DRC7: variants seen among roughly 807,000 people sequenced by gnomAD.
The protein encoded by DRC7 is dynein regulatory complex subunit 7, also known as coiled-coil domain containing 135.
Under a neutral mutation model 104.4 loss-of-function variants are expected in DRC7, and 80 were observed. The observed-to-expected ratio is 0.77, with a 90% CI of 0.64 to 0.92. DRC7 has a LOEUF of 0.92. Ranked by LOEUF, DRC7 falls within the 40% of genes least tolerant of loss-of-function variation. The pLI is 0.00. For synonymous variants in DRC7, 405 were observed against 447.3 expected (o/e 0.91, Z 1.19); for missense variants, 1,034 against 1,141.1 (o/e 0.91, Z 1.35).
At position 57,696,607 on chromosome 16, in the gene DRC7, C is replaced by A. The variant is rs1434089285; in HGVS notation, c.-38+13C>A. The A allele has an allele frequency of 6.6e-6, 1 of 152,318 alleles. No individual in the cohort carries two copies. Among genetic ancestry groups the A allele is most frequent in the African/African-American group, 2.4e-5 (1 of 41,468 alleles). The allele number at this position is 152,318 out of a possible 1,614,324, so 9.4% of individuals were successfully genotyped here. ...ACTGGATCTTTGGGTAGGTGACTAG[C>A]AGTCCCCGCTCAGTGTGGCTCTGCT... On this transcript the variant is annotated intron_variant, in intron 2 of 18. Coordinates refer to ENST00000360716, the MANE Select transcript of DRC7 (RefSeq NM_001289162.2).
At chr16:57,697,866 G>T (rs543494360) in intron 2 of DRC7, 47 bp from the exon 3 acceptor site, 1 of 1,541,170 alleles carries the variant, frequency 6.5e-7, no homozygotes, top group Admixed American at 1.9e-5. Context: ...GGTGGCTCCT[G>T]CCTGGGCTGA....
At chr16:57,708,557 T>TA (rs1209693909) in intron 8 of DRC7, among the ~76,000 whole-genome samples, 2 of 152,208 alleles carry the variant, frequency 1.3e-5, no homozygotes, top group African/African-American at 4.8e-5. Flanking sequence ...AATGCCGCCA[T>TA]GAATATTTGT....
rs199756542 is a variant in DRC7, at chr16:57,724,643, G to C, written c.1566G>C (p.Glu522Asp). 95 of 1,613,574 alleles carry C rather than the reference G, an allele frequency of 5.9e-5. No homozygotes were observed. Among genetic ancestry groups the C allele is most frequent in the Non-Finnish European group, 7.0e-5 (82 of 1,179,832 alleles). The change falls in exon 13 of 19, where the codon GAG (glutamate) becomes GAC (aspartate). Residue 522 changes from glutamate (E) to aspartate (D), a missense_variant. Transcript: ENST00000360716. Reference sequence around the variant, plus strand: ...ACTCGTACAAGTCCATGCAACCTGAGATGGACCGTGTCATTGAGTTTTATG... The same window carrying C: ...ACTCGTACAAGTCCATGCAACCTGACATGGACCGTGTCATTGAGTTTTATG... ...RVHSYKSMQP[E>D]MDRVIEFYET...
chr16:57,728,941 G>T (rs2049009181), intron 17 of DRC7, among the ~76,000 whole-genome samples: 2 of 151,780 alleles, frequency 1.3e-5, no homozygotes. Context: ...CAGATGGGTG[G>T]GTGGATGGGT....
intron 9 of DRC7, among the ~76,000 whole-genome samples, chr16:57,720,866 G>T (rs2048895154): frequency 6.6e-6 from 1 of 152,114 alleles, no homozygotes; most frequent in African/African-American, 2.4e-5. Flanking sequence ...TCTAGATCGG[G>T]CCTTATTTCA....
At chr16:57,719,903 C>G (rs1426666207) in intron 9 of DRC7, among the ~76,000 whole-genome samples, 1 of 152,050 alleles carries the variant, frequency 6.6e-6, no homozygotes, top group Non-Finnish European at 1.5e-5. Flanking sequence ...ATCATTCAAA[C>G]AGTAAGTGAT....
intron 8 of DRC7, 81 bp downstream of exon 8, chr16:57,707,759 C>A (rs1597799239): frequency 7.6e-7 from 1 of 1,321,404 alleles, no homozygotes; most frequent in Non-Finnish European, 1.1e-6. Flanking sequence ...GGCAGCCAGA[C>A]CTTGGGGAGA....
At chr16:57,716,653 T>G (rs1207797540) in intron 8 of DRC7, among the ~76,000 whole-genome samples, 5 of 152,044 alleles carry the variant, frequency 3.3e-5, no homozygotes, top group Admixed American at 3.3e-4. Flanking sequence ...TTCTCTCCCC[T>G]CCACCCACGA....
intron 7 of DRC7, 73 bp from the exon 8 acceptor site, chr16:57,707,387 C>A: frequency 2.1e-6 from 3 of 1,414,924 alleles, no homozygotes; most frequent in East Asian, 2.4e-5. Flanking sequence ...TCCCCAGCCC[C>A]AGGGAGATGT....
At position 57,707,572 on chromosome 16, in the gene DRC7, C is replaced by T. The variant is rs374813861; in HGVS notation, c.971C>T (p.Thr324Ile). Residue 324 changes from threonine (T) to isoleucine (I), a missense_variant, in exon 8 of 19, where the codon ACA becomes ATA. By Grantham distance (89) the Thr-to-Ile change is moderately conservative. Transcript: ENST00000360716. ...GAGAACTTCTTCATCGACCCATTCA[C>T]AGGACATAGCTACAGCACCCAGGAT... ...VPENFFIDPF[T>I]GHSYSTQDEH... The T allele has an allele frequency of 5.6e-5, 91 of 1,613,514 alleles. No homozygotes were observed. The highest frequency in any genetic ancestry group is 7.4e-5 in the Non-Finnish European group (87 of 1,180,030).
In DRC7 at chr16:57,718,452, G is replaced by A. The variant is rs746869486; in HGVS notation, c.1183G>A (p.Asp395Asn). The change falls in exon 9 of 19, where the codon GAT (aspartate) becomes AAT (asparagine). Residue 395 changes from aspartate to asparagine, a missense_variant. Transcript: ENST00000360716. ...LTEEDDSGIN[D>N]EDDVENLGKE... ...TGAAGAAGACGACAGTGGGATAAAC[G>A]ATGAGGATGATGTGGAAAATCTGGT... 1.7e-5 allele frequency: 28 copies of A among 1,613,886 alleles called. No individual in the cohort carries two copies. Among genetic ancestry groups the A allele is most frequent in the South Asian group, 7.7e-5 (7 of 91,090 alleles).
chr16:57,720,022 G>A (rs1360774766), intron 9 of DRC7, among the ~76,000 whole-genome samples: 1 of 152,232 alleles, frequency 6.6e-6, no homozygotes, highest in African/African-American at 2.4e-5. Flanking sequence ...ATGCCATTCA[G>A]CCCGTAGCAA....
intron 6 of DRC7, among the ~76,000 whole-genome samples, chr16:57,704,563 A>G (rs2048692483): frequency 6.6e-6 from 1 of 152,198 alleles, no homozygotes; most frequent in South Asian, 2.1e-4. Flanking sequence ...AAGAGGAGAA[A>G]GCCACACCTC....
rs758460019 is a variant in DRC7, at chr16:57,718,447, T to C, written c.1178T>C (p.Ile393Thr). 6.2e-7 allele frequency: 1 copy of C among 1,614,008 alleles called. No homozygotes were observed. The highest frequency in any genetic ancestry group is 1.1e-5 in the South Asian group (1 of 91,078). The part of the protein sequence containing the change: ...LSLTEEDDSG[I>T]NDEDDVENLG... ...TTGACTGAAGAAGACGACAGTGGGATAAACGATGAGGATGATGTGGAAAAT... is the reference window on the plus strand; with the variant it reads ...TTGACTGAAGAAGACGACAGTGGGACAAACGATGAGGATGATGTGGAAAAT... Residue 393 changes from isoleucine (I) to threonine (T), a missense_variant, in exon 9 of 19, where the codon ATA (isoleucine) becomes ACA (threonine). Transcript: ENST00000360716.
At chr16:57,701,019 G>A (rs2048652185) in intron 5 of DRC7, among the ~76,000 whole-genome samples, 1 of 152,198 alleles carries the variant, frequency 6.6e-6, no homozygotes, top group Non-Finnish European at 1.5e-5. Context: ...GATAAGAACA[G>A]ACAAAGCGAG....
chr16:57,697,630 G>T (rs942804414), intron 2 of DRC7, among the ~76,000 whole-genome samples: 2 of 152,120 alleles, frequency 1.3e-5, no homozygotes, highest in African/African-American at 4.8e-5. Context: ...AAATCGACAC[G>T]TGCCTTTCCC....
chr16:57,709,162 A>G (rs530493054), intron 8 of DRC7, among the ~76,000 whole-genome samples: 1 of 148,616 alleles, frequency 6.7e-6, no homozygotes, highest in Admixed American at 6.7e-5. Context: ...GCTTTTTGCA[A>G]ACTGTTCACA....
chr16:57,700,405 T>C, intron 5 of DRC7, 135 bp downstream of exon 5: 5 of 1,178,596 alleles, frequency 4.2e-6, no homozygotes, highest in Non-Finnish European at 5.8e-6. Context: ...TCCCAGCATT[T>C]TGGGAGGCCA....
intron 14 of DRC7, 158 bp from the exon 15 acceptor site, chr16:57,726,674 C>G (rs866677679): frequency 1.7e-6 from 1 of 573,702 alleles, no homozygotes; most frequent in Middle Eastern, 3.4e-4. Flanking sequence ...TTATTATTAT[C>G]TGTATTTTTA....
Sources: allele counts gnomAD v4.1 joint callset (sites outside exome capture counted in the v4.1 genomes callset), GRCh38; gene constraint gnomAD v4.1.1; transcripts MANE v1.5; gene names NCBI Gene and HGNC (gene_info 2026-07-23, HGNC 2026-07-21).